The following IGF2BP3 variants were observed in gnomAD, a reference collection of about 807,000 sequenced individuals.
IGF2BP3 encodes the protein insulin like growth factor 2 mRNA binding protein 3, also known as insulin-like growth factor 2 mRNA-binding protein 3.
A neutral mutation model predicts 73.8 loss-of-function variants in IGF2BP3; 9 were observed. The ratio of observed to expected loss-of-function variants is 0.12; its 90% CI spans 0.07 to 0.21. The LOEUF (loss-of-function observed/expected upper bound fraction) is 0.21, where lower values mean the gene tolerates loss of function less well. Among genes scored for constraint, IGF2BP3 ranks in the 10% least tolerant of loss-of-function variants. The probability of loss-of-function intolerance (pLI) is 1.00; values close to 1 mark genes in which losing one functional copy is unlikely to be tolerated. For missense variants in IGF2BP3, 542 were observed against 714.0 expected, an observed-to-expected ratio of 0.76 and a Z score of 2.75; for synonymous variants, 258 against 256.7, an observed-to-expected ratio of 1.01 and a Z score of -0.05.
intron 3 of IGF2BP3, among the ~76,000 whole-genome samples, chr7:23,405,628 T>A (rs1471059819): frequency 6.6e-6 from 1 of 152,120 alleles, no homozygotes; most frequent in African/African-American, 2.4e-5. Flanking sequence ...AGCGTTAGAT[T>A]CTCATGGAAG....
chr7:23,385,380 C>T (rs1786049785), intron 3 of IGF2BP3, among the ~76,000 whole-genome samples: 1 of 152,174 alleles, frequency 6.6e-6, no homozygotes. Context: ...GTACAATCAC[C>T]TGAGGAGCTA....
At position 23,351,427 on chromosome 7, in the gene IGF2BP3, G is replaced by A. The variant is rs763385326; in HGVS notation, c.561C>T (p.Ser187=). 5.6e-6 allele frequency: 9 copies of A among 1,613,572 alleles called. No individual in the cohort carries two copies. The highest frequency in any genetic ancestry group is 1.7e-4 in the Middle Eastern group (1 of 6,052). Residue 187 remains serine (S), a synonymous_variant, in exon 6 of 15, where the codon TCC becomes TCT. Transcript: ENST00000258729. ...AATCACATGGTTTCTGCTTGGATAC[G>A]GATCCTGGAGACCCCTGCCTTGAGG... The part of the protein sequence containing the change: ...RGSSRQGSPG[S]VSKQKPCDLP...
intron 3 of IGF2BP3, chr7:23,365,476 A>G (rs1785346320): frequency 6.6e-6 from 1 of 152,204 alleles, no homozygotes; most frequent in Admixed American, 6.5e-5. Context: ...CAAGGCAACA[A>G]ATGTTCTTCA....
intron 3 of IGF2BP3, chr7:23,405,041 T>C (rs1283570472): frequency 6.6e-6 from 1 of 152,196 alleles, no homozygotes; most frequent in Non-Finnish European, 1.5e-5. Context: ...CTGAGTCACA[T>C]GGAAAAATTG....
At chr7:23,407,953 CGGGGGGCGGGGGGGG>C (rs1004751891) in intron 3 of IGF2BP3, among the ~76,000 whole-genome samples, 5 of 41,472 alleles carry the variant, frequency 1.2e-4, no homozygotes, top group Admixed American at 8.8e-4. Flanking sequence ...GGGCAGGGGG[CGGGGGGCGGGGGGGG>C]GGGGAGTCAA....
At chr7:23,334,905 A>G (rs1784533704) in intron 10 of IGF2BP3, among the ~76,000 whole-genome samples, 1 of 152,154 alleles carries the variant, frequency 6.6e-6, no homozygotes, top group Non-Finnish European at 1.5e-5. Context: ...ATGTCAGCCA[A>G]CATGATCAGC....
intron 3 of IGF2BP3, chr7:23,402,728 TTG>T (rs1327527099): frequency 2.0e-5 from 3 of 152,236 alleles, no homozygotes; most frequent in Admixed American, 6.5e-5. Flanking sequence ...AAAAATCAGC[TTG>T]TCTTTTGGCT....
intron 5 of IGF2BP3, among the ~76,000 whole-genome samples, chr7:23,356,122 G>A (rs1258595856): frequency 2.6e-5 from 4 of 152,134 alleles, no homozygotes; most frequent in Non-Finnish European, 5.9e-5. Context: ...AGTGGAAAAA[G>A]AATACGGACT....
intron 3 of IGF2BP3, among the ~76,000 whole-genome samples, chr7:23,370,667 G>A (rs908443402): frequency 6.7e-6 from 1 of 150,066 alleles, no homozygotes; most frequent in Non-Finnish European, 1.5e-5. Flanking sequence ...CTAGTTCTAG[G>A]TTTTTTGGTT....
chr7:23,376,555 A>AGAAAG (rs1554323188), intron 3 of IGF2BP3, among the ~76,000 whole-genome samples: 4 of 140,162 alleles, frequency 2.9e-5, no homozygotes, highest in African/African-American at 1.1e-4. Context: ...AAAAAAAAAA[A>AGAAAG]AAAGAAAGAA....
intron 2 of IGF2BP3, among the ~76,000 whole-genome samples, chr7:23,462,033 A>G (rs1456265364): frequency 6.6e-6 from 1 of 152,250 alleles, no homozygotes; most frequent in Non-Finnish European, 1.5e-5. Context: ...CTTCTTCTGA[A>G]CAATAAGGTA....
At chr7:23,443,211 C>T (rs1369649956) in intron 2 of IGF2BP3, among the ~76,000 whole-genome samples, 3 of 149,960 alleles carry the variant, frequency 2.0e-5, no homozygotes, top group African/African-American at 4.9e-5. Flanking sequence ...CTGTAAACTC[C>T]GCCTCCCAGG....
At chr7:23,340,717 A>G (rs945750283) in intron 10 of IGF2BP3, among the ~76,000 whole-genome samples, 6 of 152,196 alleles carry the variant, frequency 3.9e-5, no homozygotes, top group Non-Finnish European at 7.3e-5. Flanking sequence ...ACTACTTTCA[A>G]AATAATTTAT....
At chr7:23,387,749 G>A (rs1786133366) in intron 3 of IGF2BP3, among the ~76,000 whole-genome samples, 1 of 152,060 alleles carries the variant, frequency 6.6e-6, no homozygotes, top group African/African-American at 2.4e-5. Flanking sequence ...AAGCCACTTG[G>A]TATGTGAATA....
At chr7:23,391,275 T>C (rs780900185) in intron 3 of IGF2BP3, among the ~76,000 whole-genome samples, 8 of 151,934 alleles carry the variant, frequency 5.3e-5, no homozygotes, top group Non-Finnish European at 1.2e-4. Context: ...AATTTTTATA[T>C]TTTTAGTAGA....
At chr7:23,336,187 TAA>T (rs59957630) in intron 10 of IGF2BP3, among the ~76,000 whole-genome samples, 3 of 147,992 alleles carry the variant, frequency 2.0e-5, no homozygotes, top group South Asian at 4.3e-4. Flanking sequence ...TAGTATATAT[TAA>T]AAAAAAAAAA....
At chr7:23,356,709 T>C (rs1303360092) in intron 5 of IGF2BP3, among the ~76,000 whole-genome samples, 2 of 152,244 alleles carry the variant, frequency 1.3e-5, no homozygotes, top group Non-Finnish European at 2.9e-5. Context: ...TATCTCCTTG[T>C]ATCAAGAATA....
At chr7:23,376,133 G>T (rs563885783) in intron 3 of IGF2BP3, among the ~76,000 whole-genome samples, 13 of 152,278 alleles carry the variant, frequency 8.5e-5, no homozygotes, top group Admixed American at 5.9e-4. Context: ...TTGCAAAAGG[G>T]CAAAGGAATC....
chr7:23,434,091 TAAA>T (rs11362019), intron 2 of IGF2BP3, among the ~76,000 whole-genome samples: 2 of 129,518 alleles, frequency 1.5e-5, no homozygotes. Context: ...AAATTAAAAT[TAAA>T]AAAAAAAAAA....
Sources: allele counts gnomAD v4.1 joint callset (sites outside exome capture counted in the v4.1 genomes callset), GRCh38; gene constraint gnomAD v4.1.1; transcripts MANE v1.5; gene names NCBI Gene and HGNC (gene_info 2026-07-23, HGNC 2026-07-21).